The following SYNDIG1L variants were observed in gnomAD, a reference collection of about 807,000 sequenced individuals.
SYNDIG1L encodes the protein synapse differentiation-inducing gene protein 1-like.
A neutral mutation model predicts 20.1 loss-of-function variants in SYNDIG1L; 13 were observed. The ratio of observed to expected loss-of-function variants is 0.65; its 90% CI spans 0.42 to 1.03. SYNDIG1L has a LOEUF of 1.03. Ranked by LOEUF, SYNDIG1L falls within the 50% of genes least tolerant of loss-of-function variation. The pLI is 0.00. For synonymous variants in SYNDIG1L, 128 were observed against 129.3 expected, an observed-to-expected ratio of 0.99 and a Z score of 0.07; for missense variants, 294 against 305.1, an observed-to-expected ratio of 0.96 and a Z score of 0.27.
chr14:74,478,484 A>G, the SYNDIG1L span, among the ~76,000 whole-genome samples: 1 of 152,266 alleles, frequency 6.6e-6, no homozygotes, highest in Non-Finnish European at 1.5e-5. Context: ...TCCCTGAAGT[A>G]GGCACTGTTC....
the SYNDIG1L span, among the ~76,000 whole-genome samples, chr14:74,462,024 T>C: frequency 7.0e-6 from 1 of 142,800 alleles, no homozygotes; most frequent in East Asian, 2.1e-4. Flanking sequence ...AGGTGGAGGT[T>C]GCAGTGAGCC....
the SYNDIG1L span, among the ~76,000 whole-genome samples, chr14:74,462,785 T>C: frequency 6.6e-6 from 1 of 152,250 alleles, no homozygotes; most frequent in Non-Finnish European, 1.5e-5. Flanking sequence ...CAATTACAGG[T>C]ATTACAGGTA....
rs1476797938 is a variant in SYNDIG1L at position 74,406,174 on chromosome 14, C to T, written c.*1361G>A. 1 of 398,492 alleles carries T rather than the reference C, an allele frequency of 2.5e-6. No individual in the cohort carries two copies. Among genetic ancestry groups the T allele is most frequent in the East Asian group, 3.6e-5 (1 of 28,082 alleles). The allele number at this position is 398,492 out of a possible 1,614,324, so 24.7% of individuals were successfully genotyped here. A position where few individuals can be genotyped will look rare whatever the true frequency, so the allele number is the denominator to read the frequency against. On this transcript the variant is annotated 3_prime_UTR_variant, in exon 4 of 4. Coordinates refer to ENST00000331628, the MANE Select transcript of SYNDIG1L (RefSeq NM_001105579.2). Reference sequence around the variant, plus strand: ...CCTACCTGGAGATGTCTCTAAAATTCTGGATGTGCCCTAGTGGCTGAGGGT... The same window carrying T: ...CCTACCTGGAGATGTCTCTAAAATTTTGGATGTGCCCTAGTGGCTGAGGGT...
At chr14:74,449,524 AT>A in the SYNDIG1L span, among the ~76,000 whole-genome samples, 1 of 145,046 alleles carries the variant, frequency 6.9e-6, no homozygotes, top group East Asian at 2.1e-4. Context: ...ACATGGAAGG[AT>A]TGCTTGAACC....
the SYNDIG1L span, chr14:74,479,869 A>C: frequency 1.3e-6 from 1 of 784,056 alleles, no homozygotes. Flanking sequence ...GGACCACGGA[A>C]CTGGGGGCCT....
the SYNDIG1L span, chr14:74,476,382 C>T: frequency 1.3e-6 from 1 of 762,662 alleles, no homozygotes; most frequent in Non-Finnish European, 2.3e-6. Flanking sequence ...ATCTTTCTGC[C>T]TGCTGGCTGC....
chr14:74,460,104 C>A, the SYNDIG1L span, among the ~76,000 whole-genome samples: 3 of 152,106 alleles, frequency 2.0e-5, no homozygotes, highest in African/African-American at 4.8e-5. Context: ...TCCCTTTGTG[C>A]CTTCTCAGGT....
At chr14:74,430,866 C>T (rs1271341776), upstream of SYNDIG1L, among the ~76,000 whole-genome samples, 1 of 152,122 alleles carries the variant, frequency 6.6e-6, no homozygotes, top group East Asian at 1.9e-4. Context: ...ATCTGCTTTG[C>T]CATTATCTCA....
At chr14:74,443,231 A>G in the SYNDIG1L span, among the ~76,000 whole-genome samples, 1 of 152,218 alleles carries the variant, frequency 6.6e-6, no homozygotes, top group African/African-American at 2.4e-5. Context: ...GAGAGCTAAA[A>G]CCAAGCCAAG....
chr14:74,407,449 C>G lies in SYNDIG1L; in HGVS notation c.*86G>C. The G allele has an allele frequency of 6.4e-7, 1 of 1,569,044 alleles. No homozygotes were observed. The highest frequency in any genetic ancestry group is 8.7e-7 in the Non-Finnish European group (1 of 1,155,282). ...ACTCTCACGGGATCATCTTCAGGGGCCGGGCCTTTCCATAGGGTCTGCAAC... is the reference window on the plus strand; with the variant it reads ...ACTCTCACGGGATCATCTTCAGGGGGCGGGCCTTTCCATAGGGTCTGCAAC... On this transcript the variant is annotated 3_prime_UTR_variant, in exon 4 of 4. Transcript: ENST00000331628.
the SYNDIG1L span, among the ~76,000 whole-genome samples, chr14:74,452,482 C>T: frequency 1.3e-5 from 2 of 152,192 alleles, no homozygotes; most frequent in African/African-American, 4.8e-5. Context: ...CACAAGTTCT[C>T]TCTCTTTGCT....
At chr14:74,459,281 TG>T in the SYNDIG1L span, among the ~76,000 whole-genome samples, 1 of 152,086 alleles carries the variant, frequency 6.6e-6, no homozygotes, top group East Asian at 1.9e-4. Flanking sequence ...TTTGGGAGGC[TG>T]AGGCGGGCAG....
chr14:74,477,228 C>T, the SYNDIG1L span, among the ~76,000 whole-genome samples: 1 of 150,862 alleles, frequency 6.6e-6, no homozygotes, highest in Non-Finnish European at 1.5e-5. Context: ...TTGGGAAAAA[C>T]ACTTGTTTAA....
At chr14:74,427,873 C>T (rs140029627), upstream of SYNDIG1L, among the ~76,000 whole-genome samples, 84 of 152,358 alleles carry the variant, frequency 5.5e-4, no homozygotes, top group African/African-American at 1.9e-3. Context: ...CACAGGGGCT[C>T]ATGGCCACCT....
At chr14:74,436,930 C>T in the SYNDIG1L span, among the ~76,000 whole-genome samples, 9 of 151,196 alleles carry the variant, frequency 6.0e-5, no homozygotes, top group Non-Finnish European at 1.3e-4. Context: ...GGGCTGGATG[C>T]CCCCTCTCTG....
At chr14:74,426,210 TGG>T (rs1566586791), upstream of SYNDIG1L, 1 of 150,262 alleles carries the variant, frequency 6.7e-6, no homozygotes, top group Non-Finnish European at 1.5e-5. Context: ...CGCGCCGACT[TGG>T]GAGAGCAGCG....
At chr14:74,457,744 A>G in the SYNDIG1L span, among the ~76,000 whole-genome samples, 2 of 151,904 alleles carry the variant, frequency 1.3e-5, no homozygotes, top group Non-Finnish European at 2.9e-5. Flanking sequence ...GCCTCTCTCC[A>G]AAGCTTATTA....
At chr14:74,408,311 C>T (rs1213387807) in intron 2 of SYNDIG1L, among the ~76,000 whole-genome samples, 1 of 152,206 alleles carries the variant, frequency 6.6e-6, no homozygotes, top group Non-Finnish European at 1.5e-5. Flanking sequence ...CACCTGTACT[C>T]ACAGCACTTT....
At chr14:74,439,114 CAAAAA>C in the SYNDIG1L span, among the ~76,000 whole-genome samples, 1 of 65,086 alleles carries the variant, frequency 1.5e-5, no homozygotes, top group Non-Finnish European at 3.3e-5. Flanking sequence ...AACTCTGTCT[CAAAAA>C]AAAAAAAAAA....
Sources: gnomAD v4.1 joint callset for allele counts (sites outside exome capture counted in the v4.1 genomes callset) on GRCh38, gnomAD v4.1.1 for gene constraint, MANE v1.5 for transcripts, NCBI Gene and HGNC (gene_info 2026-07-23, HGNC 2026-07-21) for gene names.